TMEM117: variants seen among roughly 807,000 people sequenced by gnomAD.
TMEM117 encodes transmembrane protein 117.
In TMEM117, 27 loss-of-function variants were observed where a neutral mutation model predicts 52.4. The ratio of observed to expected loss-of-function variants is 0.51; its 90% confidence interval spans 0.38 to 0.71. The LOEUF (loss-of-function observed/expected upper bound fraction) is 0.71. Among genes scored for constraint, TMEM117 ranks in the 30% least tolerant of loss-of-function variants. The pLI, the probability that TMEM117 is intolerant of heterozygous loss-of-function variation, is 0.00. For synonymous variants in TMEM117, 215 were observed against 206.3 expected (o/e 1.04, Z -0.36); for missense variants, 556 against 630.5 (o/e 0.88, Z 1.26).
intron 3 of TMEM117, among the ~76,000 whole-genome samples, chr12:43,958,973 A>AT (rs1157269197): frequency 2.6e-5 from 4 of 151,752 alleles, no homozygotes; most frequent in East Asian, 2.0e-4. Context: ...CGCCCGGCTA[A>AT]TTTTTTTGTA....
intron 2 of TMEM117, among the ~76,000 whole-genome samples, chr12:43,921,798 A>G (rs2137557853): frequency 6.6e-6 from 1 of 152,248 alleles, no homozygotes; most frequent in African/African-American, 2.4e-5. Flanking sequence ...GGTTCTGCAT[A>G]GAGAGTCACT....
intron 3 of TMEM117, among the ~76,000 whole-genome samples, chr12:43,961,883 G>T (rs1181792244): frequency 6.6e-6 from 1 of 152,096 alleles, no homozygotes; most frequent in South Asian, 2.1e-4. Flanking sequence ...AGGTTTCAAG[G>T]CTTACCAAAA....
the TMEM117 span, chr12:43,806,376 C>G: frequency 8.2e-7 from 1 of 1,222,646 alleles, no homozygotes; most frequent in Non-Finnish European, 1.0e-6. Context: ...CGCCCCGCCC[C>G]GTGAGGTTGA....
chr12:44,173,971 A>G (rs1949084070), intron 4 of TMEM117, among the ~76,000 whole-genome samples: 1 of 152,184 alleles, frequency 6.6e-6, no homozygotes, highest in African/African-American at 2.4e-5. Context: ...AGTTCAGAAA[A>G]GCTCAAAGAG....
At chr12:43,914,185 G>T (rs1944561852) in intron 2 of TMEM117, among the ~76,000 whole-genome samples, 1 of 152,116 alleles carries the variant, frequency 6.6e-6, no homozygotes, top group African/African-American at 2.4e-5. Flanking sequence ...GCAGCTTCGG[G>T]AGGGGATGTG....
chr12:44,174,123 T>C (rs1949086026), intron 4 of TMEM117, among the ~76,000 whole-genome samples: 1 of 152,200 alleles, frequency 6.6e-6, no homozygotes, highest in Non-Finnish European at 1.5e-5. Context: ...AGATTTCTTT[T>C]CTTGACACTA....
chr12:44,210,611 G>A (rs1177228714), intron 4 of TMEM117, among the ~76,000 whole-genome samples: 1 of 152,164 alleles, frequency 6.6e-6, no homozygotes, highest in Non-Finnish European at 1.5e-5. Flanking sequence ...AAGTAAAAGA[G>A]AAGGTAGAAG....
intron 2 of TMEM117, among the ~76,000 whole-genome samples, chr12:43,929,801 C>G (rs974650787): frequency 6.6e-6 from 1 of 152,006 alleles, no homozygotes; most frequent in African/African-American, 2.4e-5. Flanking sequence ...AATTCATAAT[C>G]TTTTTATATA....
chr12:44,107,047 A>G (rs1346997490), intron 3 of TMEM117, among the ~76,000 whole-genome samples: 2 of 152,112 alleles, frequency 1.3e-5, no homozygotes, highest in African/African-American at 4.8e-5. Context: ...TGATGATGGT[A>G]TAATTTTAAA....
At chr12:43,939,455 A>T (rs1945009132) in intron 2 of TMEM117, among the ~76,000 whole-genome samples, 1 of 152,168 alleles carries the variant, frequency 6.6e-6, no homozygotes, top group East Asian at 1.9e-4. Context: ...TTTGCTTACC[A>T]AGGTAAGCAG....
chr12:43,816,231 T>A, the TMEM117 span, among the ~76,000 whole-genome samples: 1 of 152,186 alleles, frequency 6.6e-6, no homozygotes, highest in Non-Finnish European at 1.5e-5. Context: ...GGCAAGGTGT[T>A]CTGTTCTGCT....
chr12:44,225,923 T>A (rs1397866643), intron 5 of TMEM117, among the ~76,000 whole-genome samples: 3 of 152,172 alleles, frequency 2.0e-5, no homozygotes, highest in Admixed American at 2.0e-4. Context: ...ACACTTAACT[T>A]GTAACAGCCC....
intron 3 of TMEM117, among the ~76,000 whole-genome samples, chr12:44,064,217 C>T (rs1307969386): frequency 6.6e-6 from 1 of 152,042 alleles, no homozygotes; most frequent in East Asian, 1.9e-4. Context: ...CCTTAAAAGC[C>T]CTAAGAACGG....
At chr12:43,891,155 A>G (rs1204176289) in intron 2 of TMEM117, among the ~76,000 whole-genome samples, 1 of 151,952 alleles carries the variant, frequency 6.6e-6, no homozygotes, top group African/African-American at 2.4e-5. Context: ...ATCTACTTTT[A>G]AAATAATGGC....
At position 44,062,057 on chromosome 12, in the gene TMEM117, C is replaced by G. The variant is rs188238652; in HGVS notation, c.411-81468C>G. On this transcript the variant is annotated intron_variant, in intron 3 of 7. Coordinates refer to ENST00000266534, the MANE Select transcript of TMEM117 (RefSeq NM_032256.3). ...CCTAGATCAACTTCATTATATCAAT[C>G]TCTCTATCAAGCACGGAGCAGTATC... Among the ~76,000 whole-genome samples the G allele has an allele frequency of 2.9e-3, 448 of 152,258 alleles. 3 individuals are homozygous for G. The highest frequency in any genetic ancestry group is 0.01 in the African/African-American group (435 of 41,536).
chr12:43,866,076 A>C (rs1035875764), intron 2 of TMEM117, among the ~76,000 whole-genome samples: 1 of 151,832 alleles, frequency 6.6e-6, no homozygotes, highest in Non-Finnish European at 1.5e-5. Flanking sequence ...TACTTTGTTC[A>C]TGGGCAAGGA....
chr12:44,352,693 CATT>C (rs1951582132), intron 6 of TMEM117, among the ~76,000 whole-genome samples: 1 of 152,048 alleles, frequency 6.6e-6, no homozygotes, highest in Admixed American at 6.6e-5. Flanking sequence ...TTCAGTCTAT[CATT>C]GTTGGACATT....
intron 2 of TMEM117, among the ~76,000 whole-genome samples, chr12:43,908,823 A>G (rs1302258912): frequency 6.7e-6 from 1 of 150,138 alleles, no homozygotes; most frequent in Non-Finnish European, 1.5e-5. Context: ...TGCACCCAAT[A>G]CAGGAGCACC....
chr12:44,351,294 A>G (rs1371602749), intron 6 of TMEM117, among the ~76,000 whole-genome samples: 1 of 151,832 alleles, frequency 6.6e-6, no homozygotes, highest in African/African-American at 2.4e-5. Context: ...ATATTTTCTC[A>G]CATTCTGTGA....
Sources: allele counts gnomAD v4.1 joint callset (sites outside exome capture counted in the v4.1 genomes callset), GRCh38; gene constraint gnomAD v4.1.1; transcripts MANE v1.5; gene names NCBI Gene and HGNC (gene_info 2026-07-23, HGNC 2026-07-21).